ADGRE2: variants seen among roughly 807,000 people sequenced by gnomAD.
The protein encoded by ADGRE2 is adhesion G protein-coupled receptor E2, also known as CD97 antigen.
ADGRE2 carries 83 observed loss-of-function variants against 100.8 expected under a neutral mutation model. The ratio of observed to expected loss-of-function variants is 0.82; its 90% CI spans 0.69 to 0.99. The LOEUF (loss-of-function observed/expected upper bound fraction) is 0.99, where lower values mean the gene tolerates loss of function less well. Among genes scored for constraint, ADGRE2 ranks in the 50% least tolerant of loss-of-function variants. ADGRE2 has a pLI of 0.00. For synonymous variants in ADGRE2, 355 were observed against 413.0 expected (o/e 0.86, Z 1.70); for missense variants, 814 against 1,035.7 (o/e 0.79, Z 2.94).
intron 4 of ADGRE2, 63 bp downstream of exon 4, chr19:14,773,875 A>G (rs1177812285): frequency 1.1e-5 from 16 of 1,446,798 alleles, no homozygotes; most frequent in Admixed American, 1.7e-5. Flanking sequence ...TCTGTCCCCC[A>G]CTGGCACTGG....
intron 11 of ADGRE2, among the ~76,000 whole-genome samples, chr19:14,760,499 A>G (rs62122620): frequency 2.6e-5 from 4 of 152,122 alleles, no homozygotes; most frequent in Admixed American, 2.6e-4. Flanking sequence ...ACATAGAATT[A>G]CCATATCACC....
At chr19:14,728,482 A>T (rs373292468), downstream of ADGRE2, among the ~76,000 whole-genome samples, 1 of 152,242 alleles carries the variant, frequency 6.6e-6, no homozygotes, top group East Asian at 1.9e-4. Flanking sequence ...TCTTGCTAGG[A>T]TATGTAGAAA....
Position 14,751,529 on chromosome 19 carries a change from T to C in ADGRE2, c.1931A>G (p.Lys644Arg). 6.2e-7 allele frequency: 1 copy of C among 1,614,152 alleles called. No individual in the cohort carries two copies. The highest frequency in any genetic ancestry group is 8.5e-7 in the Non-Finnish European group (1 of 1,180,018). Residue 644 changes from lysine (K) to arginine (R), a missense_variant, in exon 16 of 21, where the codon AAG becomes AGG. This residue lies in a region of ADGRE2 where 569 missense variants were observed against 692.7 expected (regional missense o/e 0.82). Coordinates refer to ENST00000315576, the MANE Select transcript of ADGRE2 (RefSeq NM_013447.4). ...VNYSSINRFM[K>R]KLMFPVGYGV... is the part of the protein sequence containing the mutation. The stretch of plus-strand genomic sequence containing the variant: ...GTAGCCCACAGGGAACATGAGCTTC[T>C]TCATGAATCTGTTGATGCTTGAGTA...
At chr19:14,746,813 C>T in intron 17 of ADGRE2, 83 bp downstream of exon 17, 1 of 1,384,228 alleles carries the variant, frequency 7.2e-7, no homozygotes, top group Non-Finnish European at 1.0e-6. Flanking sequence ...GGGGACATTC[C>T]TGCTCTTGTC....
chr19:14,731,885 C>G (rs186728752), downstream of ADGRE2: 1 of 152,222 alleles, frequency 6.6e-6, no homozygotes, highest in East Asian at 1.9e-4. Context: ...GATATGGGGG[C>G]AAATGGATGC....
chr19:14,737,650 G>A (rs1197567409), intron 20 of ADGRE2, among the ~76,000 whole-genome samples: 1 of 152,036 alleles, frequency 6.6e-6, no homozygotes, highest in African/African-American at 2.4e-5. Context: ...TTAAGAGGAA[G>A]TAAATGTGTT....
At chr19:14,757,316 C>T (rs1439257201) in intron 11 of ADGRE2, among the ~76,000 whole-genome samples, 1 of 152,222 alleles carries the variant, frequency 6.6e-6, no homozygotes, top group Admixed American at 6.5e-5. Context: ...GGTCTAGAGA[C>T]TCAATGCAAT....
chr19:14,740,835 C>G (rs1433340573), intron 20 of ADGRE2, among the ~76,000 whole-genome samples: 2 of 152,074 alleles, frequency 1.3e-5, no homozygotes, highest in Non-Finnish European at 2.9e-5. Context: ...CTCCTGGGCT[C>G]AAGTGATCCT....
At chr19:14,754,753 G>C (rs1029968465) in intron 14 of ADGRE2, among the ~76,000 whole-genome samples, 3 of 152,194 alleles carry the variant, frequency 2.0e-5, no homozygotes, top group African/African-American at 7.2e-5. Flanking sequence ...TCAAGTCTCA[G>C]ATGAAATGGC....
chr19:14,765,591 G>A (rs182056902), intron 8 of ADGRE2, 21 bp from the exon 9 acceptor site: 169 of 1,614,180 alleles, frequency 1.0e-4, no homozygotes, highest in African/African-American at 3.1e-4. Context: ...CAAGACAAGC[G>A]GCTCATTAGG....
chr19:14,743,160 C>T (rs2042979381), intron 20 of ADGRE2, among the ~76,000 whole-genome samples: 1 of 151,932 alleles, frequency 6.6e-6, no homozygotes, highest in Admixed American at 6.6e-5. Flanking sequence ...GGTCATCTTG[C>T]ACTCCTGGCC....
chr19:14,739,359 T>G (rs2042856936), intron 20 of ADGRE2, among the ~76,000 whole-genome samples: 1 of 152,218 alleles, frequency 6.6e-6, no homozygotes, highest in South Asian at 2.1e-4. Context: ...TGGATTTTCT[T>G]GGTCCTTTGT....
intron 4 of ADGRE2, 65 bp downstream of exon 4, chr19:14,773,869 TCCCC>T: frequency 7.2e-7 from 1 of 1,394,826 alleles, no homozygotes; most frequent in Non-Finnish European, 1.0e-6. Flanking sequence ...ACAACCTCTG[TCCCC>T]CACTGGCACT....
At chr19:14,743,139 A>G (rs1009617517) in intron 20 of ADGRE2, among the ~76,000 whole-genome samples, 1 of 151,830 alleles carries the variant, frequency 6.6e-6, no homozygotes, top group African/African-American at 2.4e-5. Context: ...GGATCTTGCT[A>G]TGTTGCCCAG....
chr19:14,736,903 C>CTATATATTTAGAAATATA (rs201662944), intron 20 of ADGRE2, among the ~76,000 whole-genome samples: 9 of 134,834 alleles, frequency 6.7e-5, no homozygotes, highest in African/African-American at 2.4e-4. Context: ...TATTTAATAT[C>CTATATATTTAGAAATATA]TATATATTTA....
At chr19:14,728,563 G>A (rs998044132), downstream of ADGRE2, among the ~76,000 whole-genome samples, 1 of 152,194 alleles carries the variant, frequency 6.6e-6, no homozygotes, top group Non-Finnish European at 1.5e-5. Flanking sequence ...ATAGAAAGAT[G>A]AGCAGGTGAA....
intron 20 of ADGRE2, among the ~76,000 whole-genome samples, chr19:14,737,625 C>T (rs557117998): frequency 2.6e-3 from 391 of 152,102 alleles, no homozygotes; most frequent in Non-Finnish European, 3.9e-3. Context: ...CCTCCTAAAC[C>T]CCAAGTTACC....
chr19:14,773,080 C>CAAAAAAAAAAAAAAAAAAAAAAAA (rs35688921), intron 4 of ADGRE2, among the ~76,000 whole-genome samples: 2 of 45,848 alleles, frequency 4.4e-5, no homozygotes, highest in African/African-American at 1.0e-4. Flanking sequence ...GACTCCATCT[C>CAAAAAAAAAAAAAAAAAAAAAAAA]AAAAAAAAAA....
chr19:14,767,569 T>C (rs1050879344), intron 5 of ADGRE2, among the ~76,000 whole-genome samples: 1 of 152,074 alleles, frequency 6.6e-6, no homozygotes, highest in African/African-American at 2.4e-5. Flanking sequence ...CACACAGAGG[T>C]GTCCCATGGT....
Sources: allele counts gnomAD v4.1 joint callset (sites outside exome capture counted in the v4.1 genomes callset), GRCh38; gene constraint gnomAD v4.1.1; regional missense constraint gnomAD v4.1.1; transcripts MANE v1.5; gene names NCBI Gene and HGNC (gene_info 2026-07-23, HGNC 2026-07-21).